GTPBP6: variants seen among roughly 807,000 people sequenced by gnomAD.
GTPBP6 encodes the protein GTP binding protein 6, also known as putative GTP-binding protein 6.
GTPBP6 carries 33 observed loss-of-function variants against 28.9 expected under a neutral mutation model. The ratio of observed to expected loss-of-function variants is 1.14; its 90% CI spans 0.87 to 1.53. The LOEUF (loss-of-function observed/expected upper bound fraction) is 1.53. GTPBP6 is among the 40% of genes most tolerant of loss of function. The probability of loss-of-function intolerance (pLI) is 0.00; values close to 1 mark genes in which losing one functional copy is unlikely to be tolerated. For synonymous variants in GTPBP6, 231 were observed against 192.7 expected (o/e 1.20, Z -1.65); for missense variants, 507 against 408.3 (o/e 1.24, Z -2.08).
At position 315,734 on chromosome X, in the gene GTPBP6, C is replaced by CAG. The variant is rs1396350418; in HGVS notation, c.488-436_488-435insCT. ...AAATACATCCCGACAGGGACAGACACACACACAGACACATACACAGAGACA... is the reference window on the plus strand; with the variant it reads ...AAATACATCCCGACAGGGACAGACACAGACACACAGACACATACACAGAGACA... On this transcript the variant is annotated intron_variant, in intron 2 of 9. Coordinates refer to ENST00000326153, the Ensembl canonical transcript of GTPBP6. 9.1e-4 allele frequency among the ~76,000 whole-genome samples: 12 copies of CAG among 13,154 alleles called. 4 individuals are homozygous for CAG. The highest frequency in any genetic ancestry group is 3.6e-3 in the African/African-American group (12 of 3,318). 8.6% of individuals were successfully genotyped at this position (13,154 alleles called of 152,430 possible).
intron 5 of GTPBP6, among the ~76,000 whole-genome samples, chrX:313,922 CCAG>C (rs1403831451): frequency 8.7e-6 from 1 of 115,482 alleles, no homozygotes; most frequent in Non-Finnish European, 2.0e-5. Context: ...CCAAAAACCA[CCAG>C]CATCTCCTAT....
chrX:305,268 A>C, intron 9 of GTPBP6, 71 bp from the exon 10 acceptor site: 1 of 1,186,880 alleles, frequency 8.4e-7, no homozygotes, highest in Non-Finnish European at 1.3e-6. Context: ...ATGATAAATA[A>C]TTACGCTAAA....
intron 9 of GTPBP6, among the ~76,000 whole-genome samples, chrX:306,474 TGA>T (rs1302773893): frequency 2.4e-4 from 35 of 146,180 alleles, no homozygotes; most frequent in East Asian, 1.0e-3. Context: ...AAATGTACAT[TGA>T]GTGTCAGCAC....
At chrX:306,527 T>TGA (rs1556028600) in intron 9 of GTPBP6, among the ~76,000 whole-genome samples, 2 of 148,038 alleles carry the variant, frequency 1.4e-5, no homozygotes, top group African/African-American at 5.2e-5. Context: ...AAATGTACAT[T>TGA]TTGTCAGCAC....
chrX:314,638 A>G lies in GTPBP6; in HGVS notation c.689+252T>C, dbSNP rs375104291. Among the ~76,000 whole-genome samples, 34 of 151,838 alleles carry G rather than the reference A, an allele frequency of 2.2e-4. No homozygotes were observed. In the East Asian group the frequency reaches 5.1e-3, roughly 23 times the overall value. On this transcript the variant is annotated intron_variant, in intron 4 of 9. Transcript: ENST00000326153. ...CAGGCGCCCGCCACCACGCCCGGCT[A>G]ATTTTTTTCTTGTATTTTTAGTACA...
chrX:306,024 A>G (rs2070155153), intron 9 of GTPBP6, among the ~76,000 whole-genome samples: 1 of 152,174 alleles, frequency 6.6e-6, no homozygotes, highest in Admixed American at 6.5e-5. Flanking sequence ...TCGGCCTCCC[A>G]AAGTCTTGGG....
chrX:316,549 C>T (rs7198554), intron 2 of GTPBP6, among the ~76,000 whole-genome samples: 2 of 151,882 alleles, frequency 1.3e-5, no homozygotes, highest in African/African-American at 4.8e-5. Flanking sequence ...CTGGACCCCA[C>T]CCTAAGAGAC....
At chrX:309,787 T>C (rs2070247193) in intron 7 of GTPBP6, among the ~76,000 whole-genome samples, 1 of 136,466 alleles carries the variant, frequency 7.3e-6, no homozygotes, top group African/African-American at 3.0e-5. Context: ...ACAAAAGACC[T>C]GTCCATGTAT....
intron 5 of GTPBP6, among the ~76,000 whole-genome samples, chrX:313,699 G>T (rs1361143505): frequency 1.3e-5 from 2 of 150,618 alleles, no homozygotes; most frequent in African/African-American, 4.9e-5. Flanking sequence ...AGAGGAGGAG[G>T]CCACGTGGAG....
Position 311,282 on chromosome X carries a change from G to C in GTPBP6, c.1125+137C>G, listed in dbSNP as rs1173378415. The stretch of plus-strand genomic sequence containing the variant: ...TGTCCGAGGGCCTGGCCCCTGGGCT[G>C]AGTGGGTGTCCGAGGGCCCGGCCCC... On this transcript the variant is annotated intron_variant, in intron 7 of 9. Coordinates refer to ENST00000326153, the Ensembl canonical transcript of GTPBP6. 8.9e-3 allele frequency: 3,151 copies of C among 354,356 alleles called. 275 individuals carry two copies. The African/African-American group carries it at 0.098, about 11-fold the overall frequency. The allele number at this position is 354,356 out of a possible 1,614,324, so 22.0% of individuals were successfully genotyped here.
intron 6 of GTPBP6, chrX:312,033 G>A: frequency 2.1e-6 from 1 of 471,576 alleles, no homozygotes; most frequent in African/African-American, 2.0e-5. Context: ...TATAGATACG[G>A]CAGTGGTGCC....
chrX:313,312 T>C (rs1178215687), intron 5 of GTPBP6, among the ~76,000 whole-genome samples: 1 of 152,150 alleles, frequency 6.6e-6, no homozygotes, highest in African/African-American at 2.4e-5. Flanking sequence ...AATATGGTCT[T>C]TGTAGGGTCT....
At chrX:306,648 A>G (rs1464601268) in intron 9 of GTPBP6, among the ~76,000 whole-genome samples, 1 of 147,854 alleles carries the variant, frequency 6.8e-6, no homozygotes, top group Non-Finnish European at 1.5e-5. Context: ...AGCACAGATT[A>G]GGCACCTGTT....
chrX:315,549 C>A (rs2070414743), intron 2 of GTPBP6, among the ~76,000 whole-genome samples: 1 of 145,542 alleles, frequency 6.9e-6, no homozygotes, highest in Non-Finnish European at 1.5e-5. Flanking sequence ...CACATACACA[C>A]GCAGACACAC....
At position 314,883 on chromosome X, in the gene GTPBP6, A is replaced by T. The variant is rs2070400396; in HGVS notation, c.689+7T>A. Reference sequence around the variant, plus strand: ...ACGCTCGGCGCGGCCCAGGGGCCCCACGATACCTGTGCAGCGGCATCTCCG... The same window carrying T: ...ACGCTCGGCGCGGCCCAGGGGCCCCTCGATACCTGTGCAGCGGCATCTCCG... On this transcript the variant is annotated splice_region_variant and intron_variant, in intron 4 of 9. Coordinates refer to ENST00000326153, the Ensembl canonical transcript of GTPBP6. 1 of 399,108 alleles carries T rather than the reference A, an allele frequency of 2.5e-6. No individual in the cohort carries two copies. The highest frequency in any genetic ancestry group is 2.1e-5 in the African/African-American group (1 of 48,742). 24.7% of individuals were successfully genotyped at this position (399,108 alleles called of 1,614,324 possible).
chrX:307,984 G>T, intron 7 of GTPBP6, 104 bp from the exon 8 acceptor site: 2 of 1,056,942 alleles, frequency 1.9e-6, no homozygotes, highest in Non-Finnish European at 2.6e-6. Context: ...CCAACGACAG[G>T]CTGGGCATGG....
chrX:312,484 AG>A (rs2070329105), intron 6 of GTPBP6: 4 of 641,252 alleles, frequency 6.2e-6, no homozygotes, highest in South Asian at 6.2e-5. Context: ...TGGTATAGAC[AG>A]GGTGGTAAAG....
At chrX:316,976 A>G (rs1217948966) in exon 2 of GTPBP6, 26 of 398,510 alleles carry the variant, frequency 6.5e-5, no homozygotes, top group Non-Finnish European at 9.3e-5. Flanking sequence ...TTTGGTGGAC[A>G]CGACCATTGT....
intron 7 of GTPBP6, among the ~76,000 whole-genome samples, chrX:310,131 A>G (rs1415016467): frequency 7.4e-6 from 1 of 135,358 alleles, no homozygotes; most frequent in Admixed American, 7.7e-5. Context: ...AGACCTGTCC[A>G]TGTATTGATC....
Sources: gnomAD v4.1 joint callset for allele counts (sites outside exome capture counted in the v4.1 genomes callset) on GRCh38, gnomAD v4.1.1 for gene constraint, MANE v1.5 for transcripts, NCBI Gene and HGNC (gene_info 2026-07-23, HGNC 2026-07-21) for gene names.